The following TRIO variants were observed in gnomAD, a reference collection of about 807,000 sequenced individuals.
TRIO encodes the protein triple functional domain protein.
Under a neutral mutation model 351.9 loss-of-function variants are expected in TRIO, and 58 were observed. The observed-to-expected ratio is 0.16, with a 90% CI of 0.13 to 0.21. The LOEUF (loss-of-function observed/expected upper bound fraction) is 0.21. Ranked by LOEUF, TRIO falls within the 10% of genes least tolerant of loss-of-function variation. The probability of loss-of-function intolerance (pLI) is 1.00; values close to 1 mark genes in which losing one functional copy is unlikely to be tolerated. For missense variants in TRIO, 3,201 were observed against 4,027.8 expected (o/e 0.79, Z 5.56); for synonymous variants, 1,758 against 1,595.7 (o/e 1.10, Z -2.42).
chr5:14,444,917 G>A (rs2126378544), intron 34 of TRIO, among the ~76,000 whole-genome samples: 1 of 152,298 alleles, frequency 6.6e-6, no homozygotes, highest in Admixed American at 6.5e-5. Flanking sequence ...ACAGGTCCCA[G>A]GTTAGGAGCC....
chr5:14,240,715 C>T (rs770104230), intron 1 of TRIO, among the ~76,000 whole-genome samples: 6 of 152,128 alleles, frequency 3.9e-5, no homozygotes, highest in Non-Finnish European at 7.4e-5. Flanking sequence ...TCAGACAAGA[C>T]GGACTACTTA....
chr5:14,276,745 TTTC>T (rs1735553021), intron 2 of TRIO, among the ~76,000 whole-genome samples: 4 of 152,244 alleles, frequency 2.6e-5, no homozygotes, highest in African/African-American at 9.6e-5. Context: ...TTGCAAGTTC[TTTC>T]TAAATAAGTG....
chr5:14,296,883 C>T (rs1048773265), intron 6 of TRIO, among the ~76,000 whole-genome samples, 189 bp from the exon 7 acceptor site: 1 of 152,076 alleles, frequency 6.6e-6, no homozygotes, highest in South Asian at 2.1e-4. Context: ...AAATGGAAAC[C>T]AATACTTCAA....
intron 14 of TRIO, among the ~76,000 whole-genome samples, chr5:14,364,136 CTATTT>C (rs1744394134): frequency 6.6e-6 from 1 of 152,196 alleles, no homozygotes; most frequent in Non-Finnish European, 1.5e-5. Flanking sequence ...TTCTCACATA[CTATTT>C]TAAGTATCAT....
In TRIO at chr5:14,488,299, G is replaced by A. The variant is rs932640852; in HGVS notation, c.7632+39G>A. On this transcript the variant is annotated intron_variant, in intron 48 of 56. Transcript: ENST00000344204. ...GGGGCCCGCGCCCTCCCGCCCCCCT[G>A]CCTCTGTCCCGCCAGCTCTAAACGC... 2.0e-6 allele frequency: 3 copies of A among 1,518,018 alleles called. No homozygotes were observed. In the South Asian group the frequency reaches 3.6e-5, roughly 18 times the overall value. The allele number at this position is 1,518,018 out of a possible 1,614,324, so 94.0% of individuals were successfully genotyped here. A position where few individuals can be genotyped will look rare whatever the true frequency, so the allele number is the denominator to read the frequency against.
In TRIO at chr5:14,498,192, C is replaced by G. The variant is rs1757023719; in HGVS notation, c.8151C>G (p.Thr2717=). Residue 2717 remains threonine, a synonymous_variant, in exon 52 of 57, where the codon ACC becomes ACG. Coordinates refer to ENST00000344204, the MANE Select transcript of TRIO (RefSeq NM_007118.4). ...GTGGCCGCCCCAAAGCCTCAATTAC[C>G]TGGAAGGGCCCTGAACACAACACCT... ...RVCGRPKASI[T]WKGPEHNTLN... 6.2e-7 allele frequency: 1 copy of G among 1,614,104 alleles called. No homozygotes were observed. Among genetic ancestry groups the G allele is most frequent in the South Asian group, 1.1e-5 (1 of 91,082 alleles).
chr5:14,213,376 CTA>C (rs1291306310), intron 1 of TRIO, among the ~76,000 whole-genome samples: 19 of 148,640 alleles, frequency 1.3e-4, no homozygotes, highest in South Asian at 4.2e-4. Flanking sequence ...AATATATGCA[CTA>C]TATATATATA....
intron 10 of TRIO, among the ~76,000 whole-genome samples, chr5:14,332,780 T>C (rs30624): frequency 0.54 from 81,748 of 152,008 alleles, 22,713 homozygotes; most frequent in East Asian, 0.63. Context: ...CGGTTTTCCT[T>C]GCTGTAAAAT....
intron 8 of TRIO, among the ~76,000 whole-genome samples, chr5:14,307,345 A>T (rs1738464800): frequency 6.6e-6 from 1 of 152,156 alleles, no homozygotes; most frequent in African/African-American, 2.4e-5. Context: ...CTGTCCAGCA[A>T]TGTGCGCTAC....
At chr5:14,364,914 G>A (rs1744465241) in intron 15 of TRIO, 98 bp downstream of exon 15, 2 of 1,426,572 alleles carry the variant, frequency 1.4e-6, no homozygotes, top group African/African-American at 1.5e-5. Context: ...GGGAAGGATT[G>A]TGCCTGCTCA....
rs112411899 is a variant in TRIO, at chr5:14,437,698, C to G, written c.5203+17677C>G. On this transcript the variant is annotated intron_variant, in intron 34 of 56. Coordinates refer to ENST00000344204, the MANE Select transcript of TRIO (RefSeq NM_007118.4). ...TTGGATGAGGACCACCCCCCCCGCC[C>G]CAAGGACCTCATTTTAACTCTTTCA... Among the ~76,000 whole-genome samples, 511 of 146,542 alleles carry G rather than the reference C, an allele frequency of 3.5e-3. 6 individuals are homozygous for G. The highest frequency in any genetic ancestry group is 0.012 in the African/African-American group (471 of 38,088).
At chr5:14,454,054 C>T (rs1167552611) in intron 34 of TRIO, among the ~76,000 whole-genome samples, 1 of 152,042 alleles carries the variant, frequency 6.6e-6, no homozygotes, top group African/African-American at 2.4e-5. Flanking sequence ...CTCAGCTTCC[C>T]GAGTAGCTGG....
chr5:14,399,264 G>T, intron 30 of TRIO, 194 bp downstream of exon 30: 2 of 595,376 alleles, frequency 3.4e-6, no homozygotes, highest in Non-Finnish European at 5.9e-6. Context: ...GGGTGCTCTG[G>T]AGTTTATAGA....
chr5:14,363,944 C>G lies in TRIO; in HGVS notation c.2587+17C>G. The G allele has an allele frequency of 6.3e-7, 1 of 1,597,492 alleles. No individual in the cohort carries two copies. The highest frequency in any genetic ancestry group is 8.5e-7 in the Non-Finnish European group (1 of 1,169,812). ...AGGCCTCTGGTAAGAGGGCTCACTC[C>G]ATCTGTGTCCGTTGTGATTTCTTCA... On this transcript the variant is annotated intron_variant, in intron 14 of 56. Transcript: ENST00000344204.
Position 14,143,437 on chromosome 5 carries a change from G to C in TRIO, c.-289G>C, listed in dbSNP as rs1787291441. Among the ~76,000 whole-genome samples the C allele has an allele frequency of 6.7e-6, 1 of 149,540 alleles. No homozygotes were observed. ...CCCCCGCCCTCGCGACTGCGCGTCC[G>C]GGAGGCGCGTGCTGCTGCCCGCGCT... On this transcript the variant is annotated 5_prime_UTR_variant, in exon 1 of 57. Transcript: ENST00000344204.
intron 33 of TRIO, among the ~76,000 whole-genome samples, chr5:14,409,281 A>G (rs969754263): frequency 6.6e-6 from 1 of 151,780 alleles, no homozygotes; most frequent in Non-Finnish European, 1.5e-5. Flanking sequence ...GTTATAGCAT[A>G]TTAGGGAGGG....
chr5:14,148,894 C>T (rs896615977), intron 1 of TRIO, among the ~76,000 whole-genome samples: 1 of 152,202 alleles, frequency 6.6e-6, no homozygotes, highest in African/African-American at 2.4e-5. Flanking sequence ...CCAGCTGGAG[C>T]AAGGGGTAAG....
intron 9 of TRIO, among the ~76,000 whole-genome samples, chr5:14,322,304 A>G (rs1376735474): frequency 6.6e-6 from 1 of 152,136 alleles, no homozygotes; most frequent in Non-Finnish European, 1.5e-5. Context: ...TATCTGGGAG[A>G]TCTGCCTGAA....
intron 1 of TRIO, among the ~76,000 whole-genome samples, chr5:14,254,669 A>G (rs369096329): frequency 9.2e-5 from 14 of 152,324 alleles, no homozygotes; most frequent in South Asian, 4.1e-4. Context: ...TTCTTCTCCA[A>G]CCACACCAGT....
Sources: allele counts gnomAD v4.1 joint callset (sites outside exome capture counted in the v4.1 genomes callset), GRCh38; gene constraint gnomAD v4.1.1; transcripts MANE v1.5; gene names NCBI Gene and HGNC (gene_info 2026-07-23, HGNC 2026-07-21).